Variants in RASSF4 observed in about 807,000 individuals in gnomAD.
The protein encoded by RASSF4 is Ras association domain family member 4, also known as ras association domain-containing protein 4.
RASSF4 carries 38 observed loss-of-function variants against 41.1 expected under a neutral mutation model. That is an observed-to-expected ratio of 0.92 (90% CI 0.71 to 1.21). The LOEUF (loss-of-function observed/expected upper bound fraction) is 1.21. RASSF4 is among the 50% of genes most tolerant of loss of function. The pLI is 0.00. For synonymous variants in RASSF4, 179 were observed against 163.4 expected, an observed-to-expected ratio of 1.10 and a Z score of -0.73; for missense variants, 414 against 419.4, an observed-to-expected ratio of 0.99 and a Z score of 0.11.
intron 1 of RASSF4, among the ~76,000 whole-genome samples, chr10:44,960,592 CTCAGTGTTT>C (rs1840673431): frequency 1.3e-5 from 2 of 152,228 alleles, no homozygotes; most frequent in African/African-American, 2.4e-5. Flanking sequence ...CAAAACATGC[CTCAGTGTTT>C]TCATTAACCT....
At chr10:44,966,821 A>G (rs1840920949) in intron 1 of RASSF4, among the ~76,000 whole-genome samples, 1 of 152,150 alleles carries the variant, frequency 6.6e-6, no homozygotes. Context: ...TGATTTTTTT[A>G]GAGTCTTATG....
chr10:44,986,182 A>G lies in RASSF4; in HGVS notation c.531+1212A>G, dbSNP rs115787622. On this transcript the variant is annotated intron_variant, in intron 6 of 10. Transcript: ENST00000340258. ...TTCCAGTTCTATGTTCCTTACCAAA[A>G]AAAGGGTGGGGGCAGGGATGTTTTG... 5.4e-3 allele frequency among the ~76,000 whole-genome samples: 823 copies of G among 152,340 alleles called. 12 individuals are homozygous for G. Among genetic ancestry groups the G allele is most frequent in the African/African-American group, 0.019 (803 of 41,574 alleles).
At chr10:44,971,657 G>C in intron 2 of RASSF4, 116 bp from the exon 3 acceptor site, 1 of 836,806 alleles carries the variant, frequency 1.2e-6, no homozygotes, top group Non-Finnish European at 2.1e-6. Flanking sequence ...TGGCCGGCGA[G>C]AAGGGTGCTG....
In RASSF4 at chr10:44,995,232, C is replaced by G. The variant is rs1320241952; in HGVS notation, c.*1903C>G. On this transcript the variant is annotated 3_prime_UTR_variant, in exon 11 of 11. Coordinates refer to ENST00000340258, the MANE Select transcript of RASSF4 (RefSeq NM_032023.4). ...CAGCCCTGGAGGCACAAAGATGGAG[C>G]CAGTCTGTCCTGTGTCTAGGGGTCT... 6.6e-6 allele frequency: 1 copy of G among 152,262 alleles called. No homozygotes were observed. The highest frequency in any genetic ancestry group is 1.5e-5 in the Non-Finnish European group (1 of 68,084). The allele number at this position is 152,262 out of a possible 1,614,324, so 9.4% of individuals were successfully genotyped here. A position where few individuals can be genotyped will look rare whatever the true frequency, so the allele number is the denominator to read the frequency against.
At chr10:44,992,612 T>A (rs1216107618) in intron 10 of RASSF4, among the ~76,000 whole-genome samples, 3 of 152,112 alleles carry the variant, frequency 2.0e-5, no homozygotes, top group Middle Eastern at 3.4e-3. Flanking sequence ...TGAAGTGTGG[T>A]CCAGGACTTG....
chr10:44,969,108 T>TG (rs879489855), intron 1 of RASSF4, among the ~76,000 whole-genome samples: 151 of 149,736 alleles, frequency 1.0e-3, no homozygotes, highest in African/African-American at 3.6e-3. Flanking sequence ...GCGTGTGTTT[T>TG]TGTGTGTGTG....
intron 3 of RASSF4, chr10:44,977,641 A>C (rs1320396550): frequency 6.2e-7 from 1 of 1,612,986 alleles, no homozygotes; most frequent in South Asian, 1.1e-5. Context: ...CCCAGAGGCC[A>C]GCAGAGGGGC....
Position 44,983,678 on chromosome 10 carries a change from G to A in RASSF4, c.282-344G>A, listed in dbSNP as rs925270757. 13 of 262,830 alleles carry A rather than the reference G, an allele frequency of 4.9e-5. 1 individual carries two copies. The East Asian group carries it at 6.5e-4, about 13-fold the overall frequency. The allele number at this position is 262,830 out of a possible 1,614,324, so 16.3% of individuals were successfully genotyped here. ...CCACTAGGCCTTCGGGAAGCCCAGC[G>A]AGCCTGTTTGGCACACAGCTGCTGG... On this transcript the variant is annotated intron_variant, in intron 4 of 10. Transcript: ENST00000340258.
rs11540203 is a variant in RASSF4, at chr10:44,984,841, C to A, written c.402C>A (p.Pro134=). 6.2e-7 allele frequency: 1 copy of A among 1,613,644 alleles called. No individual in the cohort carries two copies. Among genetic ancestry groups the A allele is most frequent in the Non-Finnish European group, 8.5e-7 (1 of 1,180,006 alleles). The change falls in exon 6 of 11, where the codon CCC becomes CCA. Residue 134 remains proline (P), a synonymous_variant. Coordinates refer to ENST00000340258, the MANE Select transcript of RASSF4 (RefSeq NM_032023.4). The part of the protein sequence containing the change: ...SGPLEEAEEA[P]QLMRTKSDAS... ...CCCTGGAGGAGGCAGAGGAGGCCCCCCAGCTGATGCGGACCAAGAGCGACG... is the reference window on the plus strand; with the variant it reads ...CCCTGGAGGAGGCAGAGGAGGCCCCACAGCTGATGCGGACCAAGAGCGACG...
chr10:44,968,847 G>C (rs1841013881), intron 1 of RASSF4, among the ~76,000 whole-genome samples: 1 of 152,210 alleles, frequency 6.6e-6, no homozygotes. Context: ...TCGTGGGCAG[G>C]ATGTGGTGTG....
intron 3 of RASSF4, among the ~76,000 whole-genome samples, chr10:44,972,409 C>T (rs1253771011): frequency 1.3e-5 from 2 of 152,258 alleles, no homozygotes; most frequent in African/African-American, 4.8e-5. Context: ...CAGATCAAAC[C>T]ATCCCTACTG....
intron 6 of RASSF4, 68 bp downstream of exon 6, chr10:44,985,038 C>A: frequency 6.5e-7 from 1 of 1,532,562 alleles, no homozygotes; most frequent in Non-Finnish European, 8.9e-7. Flanking sequence ...GCACAGCAAG[C>A]ACCATGACCT....
At chr10:44,984,358 C>T in intron 5 of RASSF4, 1 of 558,686 alleles carries the variant, frequency 1.8e-6, no homozygotes, top group South Asian at 2.3e-5. Context: ...GCCTGAGTCC[C>T]CCGCCCTGTG....
intron 4 of RASSF4, 79 bp from the exon 5 acceptor site, chr10:44,983,943 G>A (rs753490918): frequency 5.2e-6 from 8 of 1,550,144 alleles, no homozygotes; most frequent in Middle Eastern, 1.7e-4. Flanking sequence ...TACCCCAGGG[G>A]CTGCTGGTCT....
intron 1 of RASSF4, among the ~76,000 whole-genome samples, chr10:44,961,348 G>A (rs972237696): frequency 6.6e-6 from 1 of 152,262 alleles, no homozygotes; most frequent in African/African-American, 2.4e-5. Flanking sequence ...TCAGGACCAA[G>A]TGGACCATGA....
intron 3 of RASSF4, 132 bp from the exon 4 acceptor site, chr10:44,982,389 T>G (rs557792811): frequency 6.2e-6 from 7 of 1,126,146 alleles, no homozygotes; most frequent in Non-Finnish European, 9.2e-6. Flanking sequence ...CTGATGGTCC[T>G]TCCTGAGGGG....
chr10:44,990,184 C>T (rs1842059136), intron 8 of RASSF4, among the ~76,000 whole-genome samples: 1 of 152,210 alleles, frequency 6.6e-6, no homozygotes, highest in African/African-American at 2.4e-5. Flanking sequence ...CTTTCTCCCA[C>T]CCCTCAGATC....
At chr10:44,989,060 A>G (rs1842016640) in intron 6 of RASSF4, among the ~76,000 whole-genome samples, 1 of 152,170 alleles carries the variant, frequency 6.6e-6, no homozygotes, top group Non-Finnish European at 1.5e-5. Flanking sequence ...GTGTGTAGAC[A>G]TCTTCCTTAG....
chr10:44,978,348 C>T lies in RASSF4; in HGVS notation c.139-4173C>T, dbSNP rs1841543796. 14 of 299,934 alleles carry T rather than the reference C, an allele frequency of 4.7e-5. No individual in the cohort carries two copies. The South Asian group carries it at 6.4e-4, about 14-fold the overall frequency. The allele number at this position is 299,934 out of a possible 1,614,324, so 18.6% of individuals were successfully genotyped here. On this transcript the variant is annotated intron_variant, in intron 3 of 10. Transcript: ENST00000340258. Reference sequence around the variant, plus strand: ...CTGGGTTTAAAACCAGGATCGGCCACGCACTGACCATGGGACCTTTGGCAA... The same window carrying T: ...CTGGGTTTAAAACCAGGATCGGCCATGCACTGACCATGGGACCTTTGGCAA...
Sources: allele counts gnomAD v4.1 joint callset (sites outside exome capture counted in the v4.1 genomes callset), GRCh38; gene constraint gnomAD v4.1.1; transcripts MANE v1.5; gene names NCBI Gene and HGNC (gene_info 2026-07-23, HGNC 2026-07-21).